Variants in SPMIP7 observed in about 807,000 individuals in gnomAD.
The protein encoded by SPMIP7 is protein SPMIP7.
chr7:50,149,416 C>A, the SPMIP7 span, among the ~76,000 whole-genome samples: 1 of 152,302 alleles, frequency 6.6e-6, no homozygotes, highest in East Asian at 1.9e-4. Context: ...CTCCTCTAAT[C>A]CCCAGAGTGC....
At chr7:50,102,710 T>C in the SPMIP7 span, among the ~76,000 whole-genome samples, 2 of 152,106 alleles carry the variant, frequency 1.3e-5, no homozygotes, top group Admixed American at 6.5e-5. Context: ...TCATCATCAT[T>C]ATCATCATCA....
At chr7:50,144,859 T>A in the SPMIP7 span, among the ~76,000 whole-genome samples, 5 of 152,090 alleles carry the variant, frequency 3.3e-5, no homozygotes, top group Admixed American at 6.6e-5. Context: ...AAACATGAAC[T>A]GTTGACCGGA....
the SPMIP7 span, among the ~76,000 whole-genome samples, chr7:50,113,159 C>A: frequency 1.3e-5 from 2 of 151,936 alleles, no homozygotes; most frequent in Non-Finnish European, 2.9e-5. Flanking sequence ...TTAAAGATTC[C>A]TCTGGACTTT....
chr7:50,155,361 G>A, the SPMIP7 span, among the ~76,000 whole-genome samples: 1 of 152,156 alleles, frequency 6.6e-6, no homozygotes, highest in Non-Finnish European at 1.5e-5. Context: ...TACTTCATGT[G>A]AGGGACATAA....
chr7:50,118,441 A>G, the SPMIP7 span, among the ~76,000 whole-genome samples: 286 of 152,326 alleles, frequency 1.9e-3, 1 homozygote, highest in South Asian at 8.3e-3. Context: ...GAAAACAATA[A>G]AAACTTCAGG....
chr7:50,143,537 C>A, the SPMIP7 span, among the ~76,000 whole-genome samples: 1 of 152,118 alleles, frequency 6.6e-6, no homozygotes, highest in African/African-American at 2.4e-5. Flanking sequence ...ATTGGAATCA[C>A]CAATTTTTCT....
At chr7:50,158,158 A>AC in the SPMIP7 span, among the ~76,000 whole-genome samples, 1 of 135,354 alleles carries the variant, frequency 7.4e-6, no homozygotes, top group Non-Finnish European at 1.6e-5. Context: ...GAGGCCCAGG[A>AC]CCCCCACCCA....
chr7:50,113,125 T>C, the SPMIP7 span, among the ~76,000 whole-genome samples: 2 of 152,090 alleles, frequency 1.3e-5, no homozygotes, highest in Non-Finnish European at 2.9e-5. Context: ...ATTACCTTTG[T>C]AGTCAGGCTT....
the SPMIP7 span, among the ~76,000 whole-genome samples, chr7:50,119,027 A>T: frequency 5.4e-3 from 822 of 152,220 alleles, 29 homozygotes; most frequent in South Asian, 0.089. Context: ...GGTGAAGGAG[A>T]TCTTCCATGA....
the SPMIP7 span, among the ~76,000 whole-genome samples, chr7:50,133,277 A>G: frequency 2.6e-5 from 4 of 152,124 alleles, no homozygotes; most frequent in Non-Finnish European, 5.9e-5. Context: ...TGCATGTCAT[A>G]GGACGGCTGA....
At chr7:50,104,432 G>T in the SPMIP7 span, 1 of 1,185,700 alleles carries the variant, frequency 8.4e-7, no homozygotes. Context: ...CTTCTGGGTG[G>T]TGTTATATAT....
At chr7:50,134,036 G>A in the SPMIP7 span, 3 of 1,322,322 alleles carry the variant, frequency 2.3e-6, no homozygotes, top group East Asian at 5.1e-5. Context: ...TCTTATCATA[G>A]TATCATATTG....
At chr7:50,118,833 A>G in the SPMIP7 span, among the ~76,000 whole-genome samples, 1 of 152,130 alleles carries the variant, frequency 6.6e-6, no homozygotes, top group Admixed American at 6.5e-5. Flanking sequence ...AGGTAATATT[A>G]CCTCGGCTTT....
the SPMIP7 span, among the ~76,000 whole-genome samples, chr7:50,101,227 A>G: frequency 1.3e-5 from 2 of 152,222 alleles, no homozygotes; most frequent in African/African-American, 4.8e-5. Context: ...GAGACTTGAT[A>G]AGCACTTGCA....
chr7:50,125,956 A>T, the SPMIP7 span, among the ~76,000 whole-genome samples: 1 of 152,014 alleles, frequency 6.6e-6, no homozygotes, highest in Non-Finnish European at 1.5e-5. Flanking sequence ...CAAGAGAAAG[A>T]TTTTTGGCAT....
At chr7:50,118,425 T>A in the SPMIP7 span, among the ~76,000 whole-genome samples, 1 of 152,174 alleles carries the variant, frequency 6.6e-6, no homozygotes, top group African/African-American at 2.4e-5. Context: ...AAACTCATAA[T>A]CCTGTGAAAA....
At chr7:50,134,425 G>A in the SPMIP7 span, among the ~76,000 whole-genome samples, 6 of 151,898 alleles carry the variant, frequency 4.0e-5, no homozygotes, top group South Asian at 2.1e-4. Flanking sequence ...TGAAATTTCC[G>A]TAATCGTGCA....
chr7:50,112,438 A>T, the SPMIP7 span, among the ~76,000 whole-genome samples: 1 of 152,132 alleles, frequency 6.6e-6, no homozygotes, highest in Non-Finnish European at 1.5e-5. Context: ...GACCTCACCC[A>T]CTAGATGCCA....
the SPMIP7 span, among the ~76,000 whole-genome samples, chr7:50,138,954 A>G: frequency 6.6e-6 from 1 of 152,190 alleles, no homozygotes; most frequent in Non-Finnish European, 1.5e-5. Context: ...GATAAAATTT[A>G]TTTAAAGTAT....
Sources: allele counts gnomAD v4.1 joint callset (sites outside exome capture counted in the v4.1 genomes callset), GRCh38; gene constraint gnomAD v4.1.1; transcripts MANE v1.5; gene names NCBI Gene and HGNC (gene_info 2026-07-23, HGNC 2026-07-21).